Variants in PLD5 observed in about 807,000 individuals in gnomAD.
The protein encoded by PLD5 is inactive phospholipase D5.
A neutral mutation model predicts 61.1 loss-of-function variants in PLD5; 36 were observed. That is an observed-to-expected ratio of 0.59 (90% confidence interval 0.45 to 0.78). PLD5 has a LOEUF of 0.78. PLD5 is among the 30% of genes least tolerant of loss of function. PLD5 has a pLI of 0.00. For synonymous variants in PLD5, 243 were observed against 242.8 expected (o/e 1.00, Z -0.01); for missense variants, 515 against 644.4 (o/e 0.80, Z 2.17).
At chr1:242,246,974 C>CTTTT (rs74466537) in intron 4 of PLD5, among the ~76,000 whole-genome samples, 1 of 135,808 alleles carries the variant, frequency 7.4e-6, no homozygotes, top group African/African-American at 2.8e-5. Context: ...TTTAGGGATT[C>CTTTT]TTTTTTTTTT....
chr1:242,111,346 C>A (rs992814176), intron 7 of PLD5, among the ~76,000 whole-genome samples: 1 of 152,082 alleles, frequency 6.6e-6, no homozygotes, highest in Non-Finnish European at 1.5e-5. Flanking sequence ...CGTGAGCCAC[C>A]GTGCCTGGCC....
chr1:242,376,543 CA>C (rs757766865), intron 1 of PLD5, among the ~76,000 whole-genome samples: 32 of 152,068 alleles, frequency 2.1e-4, no homozygotes, highest in Non-Finnish European at 4.0e-4. Flanking sequence ...ATTCAAAATC[CA>C]AACATACAAA....
intron 2 of PLD5, among the ~76,000 whole-genome samples, chr1:242,308,871 C>G (rs576228742): frequency 6.6e-6 from 1 of 152,282 alleles, no homozygotes; most frequent in Non-Finnish European, 1.5e-5. Context: ...CTGACCACAA[C>G]TCTCAAGCTT....
chr1:242,148,144 T>C (rs1341715971), intron 5 of PLD5, among the ~76,000 whole-genome samples: 2 of 151,992 alleles, frequency 1.3e-5, no homozygotes. Flanking sequence ...GGAAATTATA[T>C]AGTTTTAGTA....
chr1:242,300,754 ACAAGGGTTGCAGCG>A lies in PLD5; in HGVS notation c.327-12238_327-12225del, dbSNP rs1480774334. On this transcript the variant is annotated intron_variant, in intron 2 of 9. Coordinates refer to ENST00000536534, the MANE Select transcript of PLD5 (RefSeq NM_001372062.1). ...TTTGTCAGAAATGGGTTGCAGCGGGACAAGGGTTGCAGCGGGAGAACAATTAGAAGACCGCTGCG... is the reference window on the plus strand; with the variant it reads ...TTTGTCAGAAATGGGTTGCAGCGGGAGGAGAACAATTAGAAGACCGCTGCG... Among the ~76,000 whole-genome samples, 9 of 5,252 alleles carry A rather than the reference ACAAGGGTTGCAGCG, an allele frequency of 1.7e-3. No individual in the cohort carries two copies. The East Asian group carries it at 0.062, about 36-fold the overall frequency. The allele number at this position is 5,252 out of a possible 152,430, so 3.4% of individuals were successfully genotyped here. A position where few individuals can be genotyped will look rare whatever the true frequency, so the allele number is the denominator to read the frequency against.
intron 1 of PLD5, among the ~76,000 whole-genome samples, chr1:242,359,415 G>A (rs967482728): frequency 2.1e-4 from 32 of 152,074 alleles, no homozygotes; most frequent in African/African-American, 7.2e-4. Context: ...CTTTCAATGG[G>A]GAATTTTATT....
chr1:242,376,239 C>A (rs12142037), intron 1 of PLD5, among the ~76,000 whole-genome samples: 13,650 of 152,072 alleles, frequency 0.09, 654 homozygotes, highest in African/African-American at 0.12. Flanking sequence ...GGAAATCAGC[C>A]TTCCTTATTA....
chr1:242,310,952 C>T (rs557035748), intron 2 of PLD5, among the ~76,000 whole-genome samples: 72 of 152,226 alleles, frequency 4.7e-4, no homozygotes, highest in Middle Eastern at 3.4e-3. Flanking sequence ...TTATGTGAAA[C>T]TCATAGGGCC....
intron 1 of PLD5, among the ~76,000 whole-genome samples, chr1:242,355,785 T>A (rs1287229758): frequency 6.6e-6 from 1 of 152,180 alleles, no homozygotes; most frequent in Non-Finnish European, 1.5e-5. Context: ...AATTTTGGTA[T>A]GTTGTGTTTC....
intron 1 of PLD5, among the ~76,000 whole-genome samples, chr1:242,442,554 T>C (rs1666325262): frequency 6.6e-6 from 1 of 152,230 alleles, no homozygotes; most frequent in African/African-American, 2.4e-5. Context: ...CATGATGGCT[T>C]GGGGAACCAG....
intron 4 of PLD5, among the ~76,000 whole-genome samples, chr1:242,233,154 A>AAATGAATG (rs55916345): frequency 0.25 from 37,712 of 149,840 alleles, 4,971 homozygotes; most frequent in South Asian, 0.35. Context: ...ATTCTGACTC[A>AAATGAATG]AATGAATGAA....
At chr1:242,486,266 G>A (rs1667956611) in intron 1 of PLD5, among the ~76,000 whole-genome samples, 1 of 152,160 alleles carries the variant, frequency 6.6e-6, no homozygotes, top group Non-Finnish European at 1.5e-5. Context: ...ACTACCATCA[G>A]AGTGAACAGG....
At chr1:242,169,109 A>G (rs1205277229) in intron 5 of PLD5, among the ~76,000 whole-genome samples, 1 of 152,026 alleles carries the variant, frequency 6.6e-6, no homozygotes, top group African/African-American at 2.4e-5. Flanking sequence ...TCAGGCAACC[A>G]TTAGTATCCC....
At position 242,107,784 on chromosome 1, in the gene PLD5, C is replaced by T. The variant is rs747440422; in HGVS notation, c.1126G>A (p.Val376Ile). The T allele has an allele frequency of 9.3e-6, 15 of 1,612,130 alleles. No homozygotes were observed. Among genetic ancestry groups the T allele is most frequent in the South Asian group, 2.2e-5 (2 of 90,488 alleles). ...KIREALVLRS[V>I]RVRLLLSFWK... ...AAGCTTAAAAGGAGTCGAACTCTAACGCTTCGTAAAACTAATGCTTCTCTT... is the reference window on the plus strand; with the variant it reads ...AAGCTTAAAAGGAGTCGAACTCTAATGCTTCGTAAAACTAATGCTTCTCTT... Residue 376 changes from valine (V) to isoleucine (I), a missense_variant, in exon 8 of 10, where the codon GTT becomes ATT. Physicochemically the swap from Val to Ile is conservative, Grantham distance 29. Coordinates refer to ENST00000536534, the MANE Select transcript of PLD5 (RefSeq NM_001372062.1).
chr1:242,109,823 C>T (rs866281719), intron 7 of PLD5, among the ~76,000 whole-genome samples: 2 of 151,972 alleles, frequency 1.3e-5, no homozygotes, highest in Non-Finnish European at 2.9e-5. Flanking sequence ...GCTCTTTCAC[C>T]TAGTGTCTGT....
At chr1:242,314,104 C>T (rs538326839) in intron 2 of PLD5, among the ~76,000 whole-genome samples, 2 of 152,086 alleles carry the variant, frequency 1.3e-5, no homozygotes, top group African/African-American at 2.4e-5. Context: ...ATTTCCCAAC[C>T]TCGAGAAGGT....
chr1:242,383,445 C>T (rs1171870611), intron 1 of PLD5, among the ~76,000 whole-genome samples: 1 of 151,324 alleles, frequency 6.6e-6, no homozygotes, highest in Non-Finnish European at 1.5e-5. Context: ...TACTTTTTTT[C>T]CTTCTTTTCC....
At chr1:242,460,115 C>T (rs1667071500) in intron 1 of PLD5, among the ~76,000 whole-genome samples, 1 of 152,190 alleles carries the variant, frequency 6.6e-6, no homozygotes, top group African/African-American at 2.4e-5. Context: ...TACTGACACA[C>T]ACACTATATT....
intron 1 of PLD5, among the ~76,000 whole-genome samples, chr1:242,373,124 T>C (rs1028432389): frequency 1.3e-5 from 2 of 152,106 alleles, no homozygotes; most frequent in African/African-American, 4.8e-5. Flanking sequence ...CATCAAAAAG[T>C]GGGCGAAGGA....
Sources: gnomAD v4.1 joint callset for allele counts (sites outside exome capture counted in the v4.1 genomes callset) on GRCh38, gnomAD v4.1.1 for gene constraint, MANE v1.5 for transcripts, NCBI Gene and HGNC (gene_info 2026-07-23, HGNC 2026-07-21) for gene names.